Variants in EPB41L4B observed in about 807,000 individuals in gnomAD.
EPB41L4B encodes band 4.1-like protein 4B.
In EPB41L4B, 30 loss-of-function variants were observed where a neutral mutation model predicts 112.5. The ratio of observed to expected loss-of-function variants is 0.27; its 90% CI spans 0.20 to 0.36. The LOEUF is 0.36. Ranked by LOEUF, EPB41L4B falls within the 10% of genes least tolerant of loss-of-function variation. The pLI, the probability that EPB41L4B is intolerant of heterozygous loss-of-function variation, is 1.00. For synonymous variants in EPB41L4B, 408 were observed against 439.7 expected, an observed-to-expected ratio of 0.93 and a Z score of 0.90; for missense variants, 1,024 against 1,133.3, an observed-to-expected ratio of 0.90 and a Z score of 1.38.
intron 1 of EPB41L4B, among the ~76,000 whole-genome samples, chr9:109,309,755 C>CAGAGAGAGAGAG (rs34950010): frequency 2.8e-5 from 4 of 142,136 alleles, no homozygotes; most frequent in African/African-American, 1.1e-4. Context: ...AATACACACA[C>CAGAGAGAGAGAG]AGAGAGAGAG....
intron 19 of EPB41L4B, among the ~76,000 whole-genome samples, chr9:109,201,508 G>T (rs979418551): frequency 1.3e-5 from 2 of 149,468 alleles, no homozygotes; most frequent in Non-Finnish European, 3.0e-5. Flanking sequence ...TGAGAAAATA[G>T]AGGATTTGAG....
At chr9:109,271,088 A>C (rs1835596562) in intron 2 of EPB41L4B, among the ~76,000 whole-genome samples, 1 of 152,238 alleles carries the variant, frequency 6.6e-6, no homozygotes, top group Non-Finnish European at 1.5e-5. Context: ...TTCAGGTTTT[A>C]CAGGCTAGTC....
At chr9:109,304,541 G>A (rs1438128746) in intron 1 of EPB41L4B, among the ~76,000 whole-genome samples, 1 of 152,116 alleles carries the variant, frequency 6.6e-6, no homozygotes, top group Non-Finnish European at 1.5e-5. Context: ...CCCTTCTAAA[G>A]GTCAAAGTCA....
chr9:109,309,856 C>G (rs1243742166), intron 1 of EPB41L4B, among the ~76,000 whole-genome samples: 1 of 152,178 alleles, frequency 6.6e-6, no homozygotes, highest in Non-Finnish European at 1.5e-5. Context: ...AAAGGTGCCA[C>G]TAACTCCCAC....
chr9:109,284,194 T>C (rs1370135342), intron 1 of EPB41L4B, among the ~76,000 whole-genome samples: 4 of 152,316 alleles, frequency 2.6e-5, no homozygotes, highest in East Asian at 1.9e-4. Flanking sequence ...GCAAAGCCTA[T>C]TGTATGATAA....
chr9:109,245,423 T>G (rs2087022696), intron 14 of EPB41L4B, among the ~76,000 whole-genome samples: 1 of 152,222 alleles, frequency 6.6e-6, no homozygotes, highest in Non-Finnish European at 1.5e-5. Context: ...ATTCACATTC[T>G]CAACTGTCAA....
chr9:109,276,891 T>C (rs1294472876), intron 2 of EPB41L4B, among the ~76,000 whole-genome samples: 1 of 152,216 alleles, frequency 6.6e-6, no homozygotes. Flanking sequence ...GAGAACGCAT[T>C]TGCAGCAGAC....
intron 1 of EPB41L4B, among the ~76,000 whole-genome samples, chr9:109,315,086 A>C (rs1837584045): frequency 6.6e-6 from 1 of 152,052 alleles, no homozygotes; most frequent in African/African-American, 2.4e-5. Context: ...TCCCTCCCCT[A>C]GCCCTCCACT....
intron 1 of EPB41L4B, among the ~76,000 whole-genome samples, chr9:109,287,887 C>T (rs1476925349): frequency 6.6e-6 from 1 of 152,178 alleles, no homozygotes; most frequent in African/African-American, 2.4e-5. Context: ...CAGGTGTGAG[C>T]CACCAATCCT....
chr9:109,263,595 C>A (rs1835293114), intron 5 of EPB41L4B, among the ~76,000 whole-genome samples: 1 of 152,198 alleles, frequency 6.6e-6, no homozygotes, highest in South Asian at 2.1e-4. Context: ...AAGGCACAGC[C>A]ATAGAAGAGT....
At chr9:109,209,065 A>T (rs1833074073) in intron 17 of EPB41L4B, among the ~76,000 whole-genome samples, 1 of 152,212 alleles carries the variant, frequency 6.6e-6, no homozygotes, top group Admixed American at 6.5e-5. Context: ...CCAGAGCAAG[A>T]ATCAAATGTC....
intron 18 of EPB41L4B, among the ~76,000 whole-genome samples, chr9:109,205,079 C>T (rs565162284): frequency 3.2e-4 from 49 of 152,302 alleles, no homozygotes; most frequent in African/African-American, 1.1e-3. Flanking sequence ...GAAAGTAAAA[C>T]AGGCTTCTTT....
At chr9:109,221,226 A>G (rs1833561516) in intron 15 of EPB41L4B, among the ~76,000 whole-genome samples, 1 of 144,654 alleles carries the variant, frequency 6.9e-6, no homozygotes, top group South Asian at 2.5e-4. Flanking sequence ...GGAAGGAAGA[A>G]GGGAGGGGAG....
At chr9:109,291,404 G>A (rs1422864154) in intron 1 of EPB41L4B, among the ~76,000 whole-genome samples, 1 of 152,206 alleles carries the variant, frequency 6.6e-6, no homozygotes, top group Non-Finnish European at 1.5e-5. Context: ...AGATCTCACG[G>A]TGGGGAGGCA....
chr9:109,302,113 T>C (rs1836992150), intron 1 of EPB41L4B, among the ~76,000 whole-genome samples: 1 of 152,158 alleles, frequency 6.6e-6, no homozygotes, highest in South Asian at 2.1e-4. Context: ...GGTAAAAGCA[T>C]GTAAAAACCA....
At chr9:109,290,222 C>T (rs373608545) in intron 1 of EPB41L4B, among the ~76,000 whole-genome samples, 80 of 152,304 alleles carry the variant, frequency 5.3e-4, no homozygotes, top group African/African-American at 1.8e-3. Context: ...TCTGCCCTGT[C>T]ACCCTTGCTA....
At chr9:109,297,691 G>C (rs1278731485) in intron 1 of EPB41L4B, among the ~76,000 whole-genome samples, 1 of 152,212 alleles carries the variant, frequency 6.6e-6, no homozygotes, top group Non-Finnish European at 1.5e-5. Context: ...TGGATGCTTT[G>C]CACGGTACTC....
At position 109,178,075 on chromosome 9, in the gene EPB41L4B, C is replaced by T. The variant is rs544993331; in HGVS notation, c.2488-1379G>A. On this transcript the variant is annotated intron_variant, in intron 24 of 25. Coordinates refer to ENST00000374566, the MANE Select transcript of EPB41L4B (RefSeq NM_019114.5). ...GCTGTCACTACAGGTGCGTGCCATG[C>T]CTGGATAATTTTTTTAATCTTTCGT... is the stretch of plus-strand genomic sequence containing the variant. 6.6e-5 allele frequency among the ~76,000 whole-genome samples: 10 copies of T among 151,960 alleles called. No homozygotes were observed. The South Asian group carries it at 2.1e-3, about 32-fold the overall frequency.
intron 22 of EPB41L4B, 29 bp from the exon 23 acceptor site, chr9:109,185,634 G>A: frequency 3.2e-6 from 5 of 1,555,904 alleles, no homozygotes; most frequent in Non-Finnish European, 4.4e-6. Context: ...GAGAAGGGGA[G>A]GAGGAGGTGG....
Sources: gnomAD v4.1 joint callset for allele counts (sites outside exome capture counted in the v4.1 genomes callset) on GRCh38, gnomAD v4.1.1 for gene constraint, MANE v1.5 for transcripts, NCBI Gene and HGNC (gene_info 2026-07-23, HGNC 2026-07-21) for gene names.